The following CAGE1 variants were observed in gnomAD, a reference collection of about 807,000 sequenced individuals.
The protein encoded by CAGE1 is cancer antigen 1.
CAGE1 carries 66 observed loss-of-function variants against 94.9 expected under a neutral mutation model. The ratio of observed to expected loss-of-function variants is 0.70; its 90% CI spans 0.57 to 0.85. The LOEUF is 0.85. CAGE1 is among the 40% of genes least tolerant of loss of function. CAGE1 has a pLI of 0.00. For missense variants in CAGE1, 865 were observed against 950.4 expected, an observed-to-expected ratio of 0.91 and a Z score of 1.18; for synonymous variants, 319 against 321.0, an observed-to-expected ratio of 0.99 and a Z score of 0.07.
intron 1 of CAGE1, among the ~76,000 whole-genome samples, chr6:7,388,373 C>T (rs1228849122): frequency 6.6e-6 from 1 of 152,202 alleles, no homozygotes; most frequent in Admixed American, 6.5e-5. Flanking sequence ...CATCTATTTT[C>T]AAAATTCCTA....
At chr6:7,335,566 T>C (rs9392147) in intron 11 of CAGE1, among the ~76,000 whole-genome samples, 14,032 of 152,254 alleles carry the variant, frequency 0.092, 1,402 homozygotes, top group African/African-American at 0.25. Flanking sequence ...CAGATCTTCT[T>C]GTTTTATTTA....
intron 13 of CAGE1, among the ~76,000 whole-genome samples, chr6:7,327,402 G>A (rs1425918243): frequency 1.3e-5 from 2 of 151,942 alleles, no homozygotes; most frequent in African/African-American, 4.8e-5. Flanking sequence ...TGATCCACCT[G>A]CCTCAGCTGT....
At chr6:7,376,225 T>C (rs1760737566) in intron 4 of CAGE1, among the ~76,000 whole-genome samples, 1 of 151,284 alleles carries the variant, frequency 6.6e-6, no homozygotes, top group Non-Finnish European at 1.5e-5. Context: ...CTGTCTCTAC[T>C]AAAAATACAA....
chr6:7,368,781 A>C lies in CAGE1; in HGVS notation c.1911T>G (p.Asp637Glu). ...LLTCQDIINS[D>E]AEHFKESEKV... ...TCTCACTCTCTTTGAAATGTTCAGC[A>C]TCAGAATTGATGATGTCCTAAGGGT... Residue 637 changes from aspartate to glutamate, a missense_variant, in exon 7 of 14, where the codon GAT (aspartate) becomes GAG (glutamate). By Grantham distance (45) the Asp-to-Glu change is conservative (BLOSUM62 2). Coordinates refer to ENST00000502583, the MANE Select transcript of CAGE1 (RefSeq NM_001170692.2). The C allele has an allele frequency of 6.5e-7, 1 of 1,547,136 alleles. No individual in the cohort carries two copies.
chr6:7,341,228 T>C (rs1311650227), intron 11 of CAGE1: 2 of 676,486 alleles, frequency 3.0e-6, no homozygotes, highest in African/African-American at 1.8e-5. Flanking sequence ...ATGCCAGAGA[T>C]ACTGTGGAGG....
chr6:7,350,906 A>G (rs748342607), intron 11 of CAGE1, among the ~76,000 whole-genome samples: 4 of 152,230 alleles, frequency 2.6e-5, no homozygotes, highest in Non-Finnish European at 5.9e-5. Flanking sequence ...GGAAATAACC[A>G]ATATCAGAGC....
intron 12 of CAGE1, 64 bp from the exon 13 acceptor site, chr6:7,329,952 G>T: frequency 1.5e-6 from 1 of 683,246 alleles, no homozygotes; most frequent in Non-Finnish European, 2.6e-6. Context: ...AGTGAACATG[G>T]TGAGCAAGTT....
At chr6:7,327,695 C>T (rs1217111888) in intron 13 of CAGE1, among the ~76,000 whole-genome samples, 8 of 152,106 alleles carry the variant, frequency 5.3e-5, no homozygotes, top group African/African-American at 4.8e-5. Context: ...CTTTGGGAGG[C>T]TGAGGCAGGC....
intron 11 of CAGE1, among the ~76,000 whole-genome samples, chr6:7,352,177 C>A (rs7762874): frequency 0.016 from 2,407 of 151,824 alleles, 85 homozygotes; most frequent in African/African-American, 0.055. Flanking sequence ...CAAACGAATT[C>A]AGCAACGTTT....
Position 7,356,101 on chromosome 6 carries a change from G to C in CAGE1, c.2222C>G (p.Ser741Ter). 1 of 1,548,484 alleles carries C rather than the reference G, an allele frequency of 6.5e-7. No individual in the cohort carries two copies. The highest frequency in any genetic ancestry group is 8.7e-7 in the Non-Finnish European group (1 of 1,144,200). The part of the protein sequence containing the change: ...LITKLGHLLE[S>*]KENHCNRLIE... ...GAGTCTGTTGCAGTGGTTTTCTTTT[G>C]ACTCTAGGAGATGTCCCAGTTTTGT... Residue 741 changes from serine (S) to a stop codon, truncating the protein, a stop_gained, in exon 10 of 14, where the codon TCA becomes TGA. Transcript: ENST00000502583. LOFTEE classifies it high-confidence loss of function.
chr6:7,327,432 C>T (rs1166476387), intron 13 of CAGE1, among the ~76,000 whole-genome samples: 2 of 152,076 alleles, frequency 1.3e-5, no homozygotes, highest in African/African-American at 4.8e-5. Flanking sequence ...TGTGAGCCAC[C>T]ACACCTGGCC....
chr6:7,374,538 C>CT lies in CAGE1; in HGVS notation c.688-408dup, dbSNP rs780485437. 1.2e-3 allele frequency among the ~76,000 whole-genome samples: 175 copies of CT among 149,534 alleles called. 1 individual carries two copies. The highest frequency in any genetic ancestry group is 6.4e-3 in the South Asian group (30 of 4,720). ...ACCTTACAGACTGCAAGTTCTCTCT[C>CT]TTTTTTTTTTTACATGTTATTACTG... On this transcript the variant is annotated intron_variant, in intron 4 of 13. Coordinates refer to ENST00000502583, the MANE Select transcript of CAGE1 (RefSeq NM_001170692.2).
intron 5 of CAGE1, 77 bp downstream of exon 5, chr6:7,372,996 C>T (rs759689410): frequency 1.0e-5 from 10 of 994,176 alleles, no homozygotes; most frequent in Non-Finnish European, 1.5e-5. Flanking sequence ...ATATAAGTGC[C>T]ACGTCTAAAT....
intron 13 of CAGE1, among the ~76,000 whole-genome samples, chr6:7,327,236 A>C (rs1011926348): frequency 6.6e-6 from 1 of 152,112 alleles, no homozygotes; most frequent in African/African-American, 2.4e-5. Context: ...TATTTTCAGT[A>C]GAGACGGGGT....
rs1386324468 is a variant in CAGE1 at position 7,362,444 on chromosome 6, T to C, written c.2193+3024A>G. On this transcript the variant is annotated intron_variant, in intron 9 of 13. Transcript: ENST00000502583. This position sits in a 1 kb window ranked among gnomAD's most constrained non-coding sequence, Gnocchi z 4.1. Reference sequence around the variant, plus strand: ...TGTCTTCCTGGACCAGGAGACATTTTGCACTTGACAGTTAAACACCCAGGA... The same window carrying C: ...TGTCTTCCTGGACCAGGAGACATTTCGCACTTGACAGTTAAACACCCAGGA... 2.6e-5 allele frequency among the ~76,000 whole-genome samples: 4 copies of C among 152,170 alleles called. No homozygotes were observed. The highest frequency in any genetic ancestry group is 5.9e-5 in the Non-Finnish European group (4 of 68,020).
rs1322193041 is a variant in CAGE1, at chr6:7,389,398, A to C, written c.-220T>G. 1 of 449,816 alleles carries C rather than the reference A, an allele frequency of 2.2e-6. No individual in the cohort carries two copies. Among genetic ancestry groups the C allele is most frequent in the East Asian group, 7.0e-5 (1 of 14,308 alleles). 27.9% of individuals were successfully genotyped at this position (449,816 alleles called of 1,614,324 possible). ...ACCTCCTCCACCAAGGACTCTCACA[A>C]ACTCGCAATCGGGCTCCCGGAGTGC... is the stretch of plus-strand genomic sequence containing the variant. On this transcript the variant is annotated 5_prime_UTR_variant, in exon 1 of 14. Transcript: ENST00000502583.
At chr6:7,388,998 TAA>T (rs1761237591) in intron 1 of CAGE1, among the ~76,000 whole-genome samples, 1 of 152,206 alleles carries the variant, frequency 6.6e-6, no homozygotes, top group Admixed American at 6.5e-5. Context: ...CTTTTTAATT[TAA>T]AGTTAGACTA....
chr6:7,346,919 T>C lies in CAGE1; in HGVS notation c.2369+8122A>G, dbSNP rs557618073. ...AAGCAGCCACAGTTGACAATGCTTA[T>C]GATAAAGCCTAAATTCAGATTCTGA... On this transcript the variant is annotated intron_variant, in intron 11 of 13. Transcript: ENST00000502583. Among the ~76,000 whole-genome samples, 103 of 152,248 alleles carry C rather than the reference T, an allele frequency of 6.8e-4. 1 individual carries two copies. The highest frequency in any genetic ancestry group is 2.3e-3 in the African/African-American group (96 of 41,558).
chr6:7,353,870 C>T (rs1051173481), intron 11 of CAGE1, among the ~76,000 whole-genome samples: 3 of 152,154 alleles, frequency 2.0e-5, no homozygotes, highest in East Asian at 3.9e-4. Context: ...TATGTTCTCA[C>T]TGATATGTGG....
Sources: allele counts gnomAD v4.1 joint callset (sites outside exome capture counted in the v4.1 genomes callset), GRCh38; gene constraint gnomAD v4.1.1; non-coding constraint Gnocchi (gnomAD v3.1); transcripts MANE v1.5; gene names NCBI Gene and HGNC (gene_info 2026-07-23, HGNC 2026-07-21).